Variants in ATF6 observed in about 807,000 individuals in gnomAD.
ATF6 encodes the protein activating transcription factor 6.
Under a neutral mutation model 83.6 loss-of-function variants are expected in ATF6, and 53 were observed. The ratio of observed to expected loss-of-function variants is 0.63; its 90% CI spans 0.51 to 0.80. The LOEUF is 0.80. Among genes scored for constraint, ATF6 ranks in the 30% least tolerant of loss-of-function variants. The probability of loss-of-function intolerance (pLI) is 0.00; values close to 1 mark genes in which losing one functional copy is unlikely to be tolerated. For synonymous variants in ATF6, 288 were observed against 285.8 expected, an observed-to-expected ratio of 1.01 and a Z score of -0.08; for missense variants, 744 against 797.9, an observed-to-expected ratio of 0.93 and a Z score of 0.81.
rs114529636 is a variant in ATF6, at chr1:161,870,164, G to A, written c.1719+6852G>A. On this transcript the variant is annotated intron_variant, in intron 14 of 15. Coordinates refer to ENST00000367942, the MANE Select transcript of ATF6 (RefSeq NM_007348.4). ...AAAAATCTGCTGGACAGTTTTGGCA[G>A]ATTCATTACACAACTTCAAAAATTG... 2.8e-3 allele frequency among the ~76,000 whole-genome samples: 419 copies of A among 151,848 alleles called. 1 individual carries two copies. The highest frequency in any genetic ancestry group is 9.4e-3 in the African/African-American group (390 of 41,514).
intron 15 of ATF6, among the ~76,000 whole-genome samples, chr1:161,927,012 G>A (rs748074663): frequency 1.3e-4 from 20 of 151,954 alleles, no homozygotes; most frequent in Admixed American, 2.6e-4. Flanking sequence ...TATATTCAGC[G>A]CATAGCACTA....
At chr1:161,950,505 T>C (rs933196908) in intron 15 of ATF6, among the ~76,000 whole-genome samples, 1 of 152,186 alleles carries the variant, frequency 6.6e-6, no homozygotes, top group Non-Finnish European at 1.5e-5. Context: ...TGAACATTGG[T>C]TTAGTTTTTA....
In ATF6 at chr1:161,823,762, G is replaced by A. The variant is rs907412686; in HGVS notation, c.1187+2601G>A. 1.5e-4 allele frequency among the ~76,000 whole-genome samples: 23 copies of A among 152,170 alleles called. 1 individual carries two copies. The highest frequency in any genetic ancestry group is 5.1e-4 in the African/African-American group (21 of 41,506). ...AATGAAGAAAATTTAGACTCACATC[G>A]GTATGCAGTTGGAAAAGGGAGAACT... On this transcript the variant is annotated intron_variant, in intron 9 of 15. Transcript: ENST00000367942.
At chr1:161,939,803 T>C (rs921772421) in intron 15 of ATF6, among the ~76,000 whole-genome samples, 1 of 152,106 alleles carries the variant, frequency 6.6e-6, no homozygotes, top group Non-Finnish European at 1.5e-5. Context: ...CAGAACTGAG[T>C]CACATGATGA....
At chr1:161,868,474 C>T (rs1687056963) in intron 14 of ATF6, among the ~76,000 whole-genome samples, 1 of 152,010 alleles carries the variant, frequency 6.6e-6, no homozygotes, top group South Asian at 2.1e-4. Flanking sequence ...CTAAAAGGCC[C>T]ATCTTCTCAT....
intron 15 of ATF6, among the ~76,000 whole-genome samples, chr1:161,912,625 A>G: frequency 6.6e-6 from 1 of 152,192 alleles, no homozygotes; most frequent in East Asian, 1.9e-4. Context: ...TAGCATCTTG[A>G]CTGCTCTACA....
intron 15 of ATF6, among the ~76,000 whole-genome samples, chr1:161,935,201 C>G (rs1289633183): frequency 6.6e-6 from 1 of 152,152 alleles, no homozygotes; most frequent in East Asian, 1.9e-4. Flanking sequence ...GAGAGATAGA[C>G]TCGTATGTAA....
chr1:161,845,905 G>A (rs986228422), intron 9 of ATF6, among the ~76,000 whole-genome samples: 6 of 152,068 alleles, frequency 3.9e-5, no homozygotes, highest in Non-Finnish European at 8.8e-5. Flanking sequence ...GGAGGGTAGG[G>A]AGAAAGAATA....
intron 2 of ATF6, among the ~76,000 whole-genome samples, chr1:161,778,968 A>G (rs893001925): frequency 3.3e-5 from 5 of 152,232 alleles, no homozygotes; most frequent in African/African-American, 4.8e-5. Context: ...TAATTTGTCA[A>G]TCAGGTTGAA....
intron 7 of ATF6, among the ~76,000 whole-genome samples, chr1:161,802,643 G>T (rs1383858574): frequency 6.6e-6 from 1 of 152,058 alleles, no homozygotes; most frequent in Non-Finnish European, 1.5e-5. Context: ...ATGTTTTAGC[G>T]ATCTTCAGAT....
chr1:161,896,239 C>T (rs945451925), intron 14 of ATF6, among the ~76,000 whole-genome samples: 3 of 152,164 alleles, frequency 2.0e-5, no homozygotes, highest in Non-Finnish European at 4.4e-5. Context: ...TGCCAAGTAG[C>T]TGGGACTACA....
intron 9 of ATF6, among the ~76,000 whole-genome samples, chr1:161,821,574 G>C (rs1685764160): frequency 6.6e-6 from 1 of 152,184 alleles, no homozygotes; most frequent in Non-Finnish European, 1.5e-5. Context: ...GCCAGGCAAA[G>C]GGAACAGCAT....
At chr1:161,817,397 A>G (rs1685637050) in intron 7 of ATF6, among the ~76,000 whole-genome samples, 1 of 152,228 alleles carries the variant, frequency 6.6e-6, no homozygotes, top group Non-Finnish European at 1.5e-5. Flanking sequence ...TCTAAGTAAC[A>G]TGAAGAACAC....
chr1:161,767,647 A>G (rs1374388823), intron 1 of ATF6, among the ~76,000 whole-genome samples: 2 of 152,218 alleles, frequency 1.3e-5, no homozygotes, highest in Non-Finnish European at 2.9e-5. Flanking sequence ...TCTTAGAGCT[A>G]GTTAGTGGCA....
intron 9 of ATF6, among the ~76,000 whole-genome samples, chr1:161,830,988 A>G (rs1686043904): frequency 6.6e-6 from 1 of 152,220 alleles, no homozygotes; most frequent in South Asian, 2.1e-4. Flanking sequence ...CAGCAAAAGA[A>G]ACTACCGTCA....
chr1:161,946,641 T>A (rs1479575730), intron 15 of ATF6, among the ~76,000 whole-genome samples: 1 of 152,192 alleles, frequency 6.6e-6, no homozygotes, highest in African/African-American at 2.4e-5. Context: ...AGGCCTAGTT[T>A]TTGGTTTTCA....
chr1:161,782,488 A>T (rs1447949382), intron 3 of ATF6, among the ~76,000 whole-genome samples: 3 of 152,220 alleles, frequency 2.0e-5, no homozygotes, highest in African/African-American at 7.2e-5. Context: ...GCAAATTGCC[A>T]GTGCTGGGAT....
intron 15 of ATF6, among the ~76,000 whole-genome samples, chr1:161,954,430 TTTAGGG>T (rs1410321052): frequency 1.3e-5 from 2 of 152,198 alleles, no homozygotes; most frequent in African/African-American, 2.4e-5. Context: ...GCTACCTCTT[TTTAGGG>T]TTAGTGTTTG....
intron 14 of ATF6, among the ~76,000 whole-genome samples, chr1:161,905,759 GCTCT>G (rs1558019239): frequency 6.6e-6 from 1 of 152,060 alleles, no homozygotes; most frequent in Admixed American, 6.5e-5. Context: ...TTTTGAAAAG[GCTCT>G]CTATTATAGC....
Sources: allele counts gnomAD v4.1 joint callset (sites outside exome capture counted in the v4.1 genomes callset), GRCh38; gene constraint gnomAD v4.1.1; transcripts MANE v1.5; gene names NCBI Gene and HGNC (gene_info 2026-07-23, HGNC 2026-07-21).